Variants in MIB1 observed in about 807,000 individuals in gnomAD.
MIB1 encodes MIB E3 ubiquitin protein ligase 1.
Under a neutral mutation model 124.5 loss-of-function variants are expected in MIB1, and 278 were observed. The ratio of observed to expected loss-of-function variants is 2.23; its 90% CI spans 2.02 to 2.47. The LOEUF (loss-of-function observed/expected upper bound fraction) is 2.47, where lower values mean the gene tolerates loss of function less well. MIB1 is among the 30% of genes most tolerant of loss of function. MIB1 has a pLI of 0.00. For missense variants in MIB1, 957 were observed against 1,254.4 expected (o/e 0.76, Z 3.58); for synonymous variants, 446 against 429.4 (o/e 1.04, Z -0.48).
At chr18:21,847,941 C>T (rs1382400091) in intron 16 of MIB1, among the ~76,000 whole-genome samples, 2 of 152,182 alleles carry the variant, frequency 1.3e-5, no homozygotes, top group Non-Finnish European at 2.9e-5. Flanking sequence ...CTGAACAGTG[C>T]TGTGCAACTG....
chr18:21,819,915 A>G (rs2041864181), intron 12 of MIB1, among the ~76,000 whole-genome samples: 1 of 152,198 alleles, frequency 6.6e-6, no homozygotes, highest in Non-Finnish European at 1.5e-5. Context: ...TTTAATTAAA[A>G]TGCATTTTAT....
chr18:21,780,849 C>T (rs1475760406), intron 6 of MIB1, among the ~76,000 whole-genome samples: 1 of 152,170 alleles, frequency 6.6e-6, no homozygotes, highest in African/African-American at 2.4e-5. Context: ...GTACAAATCT[C>T]TCTTTGACAT....
intron 6 of MIB1, among the ~76,000 whole-genome samples, chr18:21,782,003 A>G (rs75897800): frequency 0.02 from 3,072 of 151,950 alleles, 103 homozygotes; most frequent in African/African-American, 0.071. Context: ...TCTCAATTTC[A>G]TTTATTTCTG....
chr18:21,760,161 A>G (rs2041082074), intron 1 of MIB1, among the ~76,000 whole-genome samples: 1 of 152,198 alleles, frequency 6.6e-6, no homozygotes, highest in Admixed American at 6.5e-5. Context: ...AAAAGAACTT[A>G]ATGGATCCAG....
intron 1 of MIB1, among the ~76,000 whole-genome samples, chr18:21,727,366 C>G (rs2040747107): frequency 6.6e-6 from 1 of 152,144 alleles, no homozygotes. Context: ...CTCCTTGCCT[C>G]AAGTGATCCG....
At position 21,745,675 on chromosome 18, in the gene MIB1, A is replaced by AACACACAC. The variant is rs144491531; in HGVS notation, c.229+3891_229+3898dup. Reference sequence around the variant, plus strand: ...CCCCATGGTGAGTGCATAGGTGTTAAACACACACACACACACACACACACA... The same window carrying AACACACAC: ...CCCCATGGTGAGTGCATAGGTGTTAAACACACACACACACACACACACACACACACACA... On this transcript the variant is annotated intron_variant, in intron 1 of 20. Transcript: ENST00000261537. 3.1e-3 allele frequency among the ~76,000 whole-genome samples: 445 copies of AACACACAC among 144,744 alleles called. 1 individual carries two copies. The highest frequency in any genetic ancestry group is 8.2e-3 in the African/African-American group (322 of 39,430). 95.0% of individuals were successfully genotyped at this position (144,744 alleles called of 152,430 possible). A position where few individuals can be genotyped will look rare whatever the true frequency, so the allele number is the denominator to read the frequency against.
At chr18:21,780,311 A>G (rs904697406) in intron 6 of MIB1, among the ~76,000 whole-genome samples, 3 of 151,592 alleles carry the variant, frequency 2.0e-5, no homozygotes, top group African/African-American at 7.3e-5. Flanking sequence ...GCCCAACTGT[A>G]CTATCAAACA....
intron 3 of MIB1, among the ~76,000 whole-genome samples, 171 bp from the exon 4 acceptor site, chr18:21,773,453 G>T (rs1195400019): frequency 6.6e-6 from 1 of 152,108 alleles, no homozygotes; most frequent in Non-Finnish European, 1.5e-5. Context: ...TGGCTCTAAT[G>T]ATAATTTAAC....
intron 1 of MIB1, among the ~76,000 whole-genome samples, chr18:21,710,514 C>T (rs2040660940): frequency 6.6e-6 from 1 of 152,142 alleles, no homozygotes; most frequent in African/African-American, 2.4e-5. Flanking sequence ...CTTTGGGAGG[C>T]CAAGTTGGGA....
rs559479583 is a variant in MIB1, at chr18:21,865,324, G to A, written c.*658G>A. ...AAGGAACATTGTTTAACTTGAATCA[G>A]ATTACCAGTTTCAAGGTGACTGATA... On this transcript the variant is annotated 3_prime_UTR_variant, in exon 21 of 21. Transcript: ENST00000261537. The A allele has an allele frequency of 1.3e-5, 2 of 151,982 alleles. No individual in the cohort carries two copies. Among genetic ancestry groups the A allele is most frequent in the Admixed American group, 6.6e-5 (1 of 15,262 alleles). 9.4% of individuals were successfully genotyped at this position (151,982 alleles called of 1,614,324 possible). A position where few individuals can be genotyped will look rare whatever the true frequency, so the allele number is the denominator to read the frequency against.
chr18:21,761,482 T>C (rs1274312445), intron 1 of MIB1, among the ~76,000 whole-genome samples: 2 of 152,226 alleles, frequency 1.3e-5, no homozygotes, highest in African/African-American at 4.8e-5. Context: ...CAAATGTATA[T>C]TTAAAATGGA....
chr18:21,813,329 A>G (rs1392828669), intron 10 of MIB1, among the ~76,000 whole-genome samples: 1 of 151,774 alleles, frequency 6.6e-6, no homozygotes, highest in East Asian at 1.9e-4. Context: ...TTATGTATAC[A>G]TGCATATATA....
At chr18:21,799,740 T>C in intron 8 of MIB1, 101 bp from the exon 9 acceptor site, 2 of 1,160,904 alleles carry the variant, frequency 1.7e-6, no homozygotes. Context: ...ATGGAAAGAA[T>C]AAAATAGGAA....
In MIB1 at chr18:21,791,431, T is replaced by A; in HGVS notation, c.966T>A (p.Ala322=). 6.2e-7 allele frequency: 1 copy of A among 1,613,986 alleles called. No individual in the cohort carries two copies. ...CGAACATTGTCCGAAGTGGAGATGC[T>A]GCTCAGGGTGCAGAAGGAGGCACCT... ...TKANIVRSGD[A]AQGAEGGTSQ... is the part of the protein sequence containing the mutation. The change falls in exon 7 of 21, where the codon GCT becomes GCA. Residue 322 remains alanine (A), a synonymous_variant. Coordinates refer to ENST00000261537, the MANE Select transcript of MIB1 (RefSeq NM_020774.4).
At chr18:21,714,822 C>T (rs543462770) in intron 1 of MIB1, among the ~76,000 whole-genome samples, 2 of 152,292 alleles carry the variant, frequency 1.3e-5, no homozygotes, top group Admixed American at 6.5e-5. Flanking sequence ...TCAGCTGCTA[C>T]TGGAGAGGAA....
chr18:21,851,179 T>C (rs2042176719), intron 17 of MIB1, among the ~76,000 whole-genome samples: 1 of 152,172 alleles, frequency 6.6e-6, no homozygotes, highest in Non-Finnish European at 1.5e-5. Context: ...AGAAATGGAC[T>C]GACATCTGGT....
intron 1 of MIB1, among the ~76,000 whole-genome samples, chr18:21,707,336 G>A (rs1292348912): frequency 1.3e-5 from 2 of 152,028 alleles, no homozygotes; most frequent in African/African-American, 4.8e-5. Context: ...TCAGCTCTCT[G>A]TAAAACAGAC....
chr18:21,799,425 C>T (rs149620649), intron 8 of MIB1, among the ~76,000 whole-genome samples: 47 of 152,042 alleles, frequency 3.1e-4, no homozygotes, highest in African/African-American at 1.1e-3. Context: ...TGATCATAAC[C>T]ATTAATCTGT....
intron 1 of MIB1, among the ~76,000 whole-genome samples, chr18:21,724,753 T>TATATATAC (rs1297061862): frequency 1.0e-5 from 1 of 98,810 alleles, no homozygotes; most frequent in African/African-American, 4.0e-5. Flanking sequence ...TATATATATA[T>TATATATAC]ATATATATAT....
Sources: gnomAD v4.1 joint callset for allele counts (sites outside exome capture counted in the v4.1 genomes callset) on GRCh38, gnomAD v4.1.1 for gene constraint, MANE v1.5 for transcripts, NCBI Gene and HGNC (gene_info 2026-07-23, HGNC 2026-07-21) for gene names.